Variants in CCDC138 observed in about 807,000 individuals in gnomAD.
CCDC138 encodes the protein coiled-coil domain containing 138.
A neutral mutation model predicts 82.3 loss-of-function variants in CCDC138; 66 were observed. That is an observed-to-expected ratio of 0.80 (90% CI 0.66 to 0.98). The LOEUF is 0.98. Among genes scored for constraint, CCDC138 ranks in the 50% least tolerant of loss-of-function variants. The probability of loss-of-function intolerance (pLI) is 0.00; values close to 1 mark genes in which losing one functional copy is unlikely to be tolerated. For missense variants in CCDC138, 816 were observed against 758.9 expected (o/e 1.08, Z -0.88); for synonymous variants, 297 against 265.4 (o/e 1.12, Z -1.16).
Position 108,786,848 on chromosome 2 carries a change from C to T in CCDC138, c.26C>T (p.Pro9Leu), listed in dbSNP as rs754921500. 1.3e-6 allele frequency: 2 copies of T among 1,590,728 alleles called. No individual in the cohort carries two copies. The highest frequency in any genetic ancestry group is 1.7e-6 in the Non-Finnish European group (2 of 1,169,880). The change falls in exon 1 of 15, where the codon CCG (proline) becomes CTG (leucine). Residue 9 changes from proline (P) to leucine (L), a missense_variant. Coordinates refer to ENST00000295124, the MANE Select transcript of CCDC138 (RefSeq NM_144978.3). ...ATGGAGCCGAGGGTCGTCAAGCCACCGGGGCAGGATTTAGTAGTGGAGAGT... is the reference window on the plus strand; with the variant it reads ...ATGGAGCCGAGGGTCGTCAAGCCACTGGGGCAGGATTTAGTAGTGGAGAGT... The part of the protein sequence containing the change: MEPRVVKP[P>L]GQDLVVESLK...
rs55661786 is a variant in CCDC138, at chr2:108,811,247, C to CT, written c.856-1369dup. ...CTCCCTTTTCTTTCTTTCTCTCTCT[C>CT]TTTTTTTTTTTTTTTGACTGTCTCC... On this transcript the variant is annotated intron_variant, in intron 7 of 14. Transcript: ENST00000295124. Among the ~76,000 whole-genome samples the CT allele has an allele frequency of 2.0e-3, 231 of 113,898 alleles. 6 individuals carry two copies. The highest frequency in any genetic ancestry group is 4.9e-3 in the Middle Eastern group (1 of 204). The allele number at this position is 113,898 out of a possible 152,430, so 74.7% of individuals were successfully genotyped here.
At chr2:108,828,414 G>C (rs191791260) in intron 10 of CCDC138, among the ~76,000 whole-genome samples, 1 of 152,116 alleles carries the variant, frequency 6.6e-6, no homozygotes, top group Non-Finnish European at 1.5e-5. Context: ...ACCATAAAAA[G>C]AACAAAGTTA....
chr2:108,788,033 A>G lies in CCDC138; in HGVS notation c.95A>G (p.Tyr32Cys), dbSNP rs776801860. The change falls in exon 2 of 15, where the codon TAT (tyrosine) becomes TGT (cysteine). Residue 32 changes from tyrosine (Y) to cysteine (C), a missense_variant and splice_region_variant. Coordinates refer to ENST00000295124, the MANE Select transcript of CCDC138 (RefSeq NM_144978.3). ...YGLGGSCPDEYDFSNFYQSKY... is the reference protein window; with the variant it reads ...YGLGGSCPDECDFSNFYQSKY... ...TAAATCTTTTCTTTTTTTTTTTAGT[A>G]TGATTTTTCAAATTTTTATCAGTCT... 3.1e-5 allele frequency: 48 copies of G among 1,535,694 alleles called. 1 individual carries two copies. The South Asian group carries it at 3.2e-4, about 10-fold the overall frequency.
At chr2:108,810,066 A>G (rs568200637) in intron 7 of CCDC138, among the ~76,000 whole-genome samples, 2 of 152,260 alleles carry the variant, frequency 1.3e-5, no homozygotes, top group African/African-American at 4.8e-5. Flanking sequence ...TCGGCCTCCC[A>G]TATTGCTGAG....
intron 9 of CCDC138, among the ~76,000 whole-genome samples, chr2:108,813,298 G>T (rs1219499064): frequency 6.8e-6 from 1 of 147,060 alleles, no homozygotes; most frequent in African/African-American, 2.5e-5. Context: ...GGAAAGCCAG[G>T]AAGATTTCTC....
chr2:108,826,326 C>A (rs1402584676), intron 10 of CCDC138, among the ~76,000 whole-genome samples: 1 of 152,060 alleles, frequency 6.6e-6, no homozygotes, highest in African/African-American at 2.4e-5. Context: ...GAAAACTTTG[C>A]CAAATCCAGA....
chr2:108,797,726 T>C (rs1171318227), intron 5 of CCDC138, among the ~76,000 whole-genome samples: 1 of 152,220 alleles, frequency 6.6e-6, no homozygotes, highest in Non-Finnish European at 1.5e-5. Context: ...TGTTTTCTTA[T>C]GCTGTCTTCT....
intron 1 of CCDC138, among the ~76,000 whole-genome samples, chr2:108,787,236 C>T (rs1679010156): frequency 6.6e-6 from 1 of 152,186 alleles, no homozygotes; most frequent in Non-Finnish European, 1.5e-5. Flanking sequence ...TTTTTAAAAG[C>T]GGCTTATTTC....
At chr2:108,814,318 G>T (rs1421619967) in intron 9 of CCDC138, among the ~76,000 whole-genome samples, 2 of 152,134 alleles carry the variant, frequency 1.3e-5, no homozygotes, top group East Asian at 3.9e-4. Flanking sequence ...CAGTGGGTGT[G>T]TAGTAGTATC....
intron 10 of CCDC138, among the ~76,000 whole-genome samples, chr2:108,820,720 C>CAAACAAAA (rs60660055): frequency 1.4e-5 from 2 of 142,714 alleles, no homozygotes; most frequent in African/African-American, 5.2e-5. Context: ...AAAAAACAAA[C>CAAACAAAA]AACAAAACTG....
intron 12 of CCDC138, among the ~76,000 whole-genome samples, chr2:108,848,031 A>T (rs944758547): frequency 6.6e-6 from 1 of 152,208 alleles, no homozygotes. Context: ...AGGTAAATGG[A>T]TTCTAAATAA....
intron 5 of CCDC138, among the ~76,000 whole-genome samples, chr2:108,795,148 G>GTTTT (rs1405181630): frequency 8.7e-5 from 6 of 68,640 alleles, no homozygotes; most frequent in Non-Finnish European, 1.2e-4. Context: ...TTTCTAAAGT[G>GTTTT]TATTTTTTTT....
At chr2:108,875,958 C>T in intron 14 of CCDC138, 130 bp from the exon 15 acceptor site, 1 of 569,960 alleles carries the variant, frequency 1.8e-6, no homozygotes, top group Admixed American at 3.2e-5. Flanking sequence ...CTTTTAGTTG[C>T]CTATTTTCTC....
chr2:108,825,554 A>AT (rs893237627), intron 10 of CCDC138, among the ~76,000 whole-genome samples: 6 of 152,176 alleles, frequency 3.9e-5, no homozygotes, highest in African/African-American at 1.4e-4. Context: ...ATATAAACAG[A>AT]TTCGTACAAT....
At chr2:108,885,218 T>C (rs1696393955) in exon 3 of CCDC138, 1 of 152,194 alleles carries the variant, frequency 6.6e-6, no homozygotes. Flanking sequence ...CTTTAAAACA[T>C]TTGAATCTTT....
intron 12 of CCDC138, among the ~76,000 whole-genome samples, chr2:108,853,358 A>G (rs1329672680): frequency 1.3e-5 from 2 of 152,166 alleles, no homozygotes; most frequent in Non-Finnish European, 2.9e-5. Context: ...CCATATCATG[A>G]GCATAGTACA....
chr2:108,812,405 G>A (rs1684024953), intron 7 of CCDC138, among the ~76,000 whole-genome samples: 1 of 152,048 alleles, frequency 6.6e-6, no homozygotes, highest in Admixed American at 6.6e-5. Flanking sequence ...AAGACATCTG[G>A]AGTCTTGTAC....
intron 4 of CCDC138, 66 bp downstream of exon 4, chr2:108,791,868 C>T: frequency 1.4e-6 from 2 of 1,450,784 alleles, no homozygotes; most frequent in South Asian, 1.3e-5. Context: ...AATGAAGCTT[C>T]CCTCCTAGTA....
At chr2:108,843,448 G>A (rs113345904) in intron 11 of CCDC138, among the ~76,000 whole-genome samples, 5 of 152,184 alleles carry the variant, frequency 3.3e-5, no homozygotes, top group African/African-American at 7.2e-5. Context: ...ATAAGCCACC[G>A]CACCTGGCCT....
Sources: allele counts gnomAD v4.1 joint callset (sites outside exome capture counted in the v4.1 genomes callset), GRCh38; gene constraint gnomAD v4.1.1; transcripts MANE v1.5; gene names NCBI Gene and HGNC (gene_info 2026-07-23, HGNC 2026-07-21).